SLCO1B1: variants seen among roughly 807,000 people sequenced by gnomAD.
The protein encoded by SLCO1B1 is OATP-2.
In SLCO1B1, 81 loss-of-function variants were observed where a neutral mutation model predicts 70.1. That is an observed-to-expected ratio of 1.16 (90% CI 0.97 to 1.39). The LOEUF is 1.39. SLCO1B1 is among the 40% of genes most tolerant of loss of function. SLCO1B1 has a pLI of 0.00. For missense variants in SLCO1B1, 895 were observed against 799.6 expected, an observed-to-expected ratio of 1.12 and a Z score of -1.44; for synonymous variants, 283 against 271.5, an observed-to-expected ratio of 1.04 and a Z score of -0.42.
chr12:21,178,103 C>A (rs1167100470), intron 5 of SLCO1B1, among the ~76,000 whole-genome samples: 1 of 151,988 alleles, frequency 6.6e-6, no homozygotes, highest in African/African-American at 2.4e-5. Flanking sequence ...TCAAATATCA[C>A]CTTGATTGTA....
chr12:21,167,841 G>A (rs1940707030), intron 2 of SLCO1B1, among the ~76,000 whole-genome samples: 1 of 143,794 alleles, frequency 7.0e-6, no homozygotes, highest in Non-Finnish European at 1.5e-5. Flanking sequence ...TTTTAAGATG[G>A]AGTCTCGCAC....
chr12:21,214,189 G>A (rs1941325629), intron 11 of SLCO1B1, among the ~76,000 whole-genome samples: 1 of 152,134 alleles, frequency 6.6e-6, no homozygotes, highest in South Asian at 2.1e-4. Flanking sequence ...CCATCTTTGT[G>A]GTTTTATGTA....
intron 7 of SLCO1B1, among the ~76,000 whole-genome samples, chr12:21,196,567 G>A (rs1941094211): frequency 6.6e-6 from 1 of 152,062 alleles, no homozygotes; most frequent in Admixed American, 6.6e-5. Flanking sequence ...ACCCTTTCTT[G>A]ATTTTATTAG....
chr12:21,191,436 T>C (rs1941028426), intron 7 of SLCO1B1, among the ~76,000 whole-genome samples: 1 of 152,238 alleles, frequency 6.6e-6, no homozygotes, highest in Non-Finnish European at 1.5e-5. Flanking sequence ...ACTTGGTTAA[T>C]TCATAGAAAT....
intron 2 of SLCO1B1, among the ~76,000 whole-genome samples, chr12:21,154,509 T>G (rs1204222866): frequency 6.6e-5 from 10 of 152,150 alleles, no homozygotes; most frequent in African/African-American, 9.7e-5. Flanking sequence ...TTTTGCTATA[T>G]TTTCTTACAG....
intron 2 of SLCO1B1, 95 bp downstream of exon 2, chr12:21,141,753 A>G: frequency 1.4e-6 from 1 of 720,468 alleles, no homozygotes; most frequent in South Asian, 1.7e-5. Context: ...TATGTTTCAA[A>G]TTATAATTTT....
chr12:21,216,278 GA>G (rs1486214490), intron 11 of SLCO1B1, among the ~76,000 whole-genome samples: 3 of 151,448 alleles, frequency 2.0e-5, no homozygotes, highest in East Asian at 1.9e-4. Flanking sequence ...TATTCCTAGT[GA>G]AAAAAAATAG....
At chr12:21,160,255 C>G (rs773833818) in intron 2 of SLCO1B1, among the ~76,000 whole-genome samples, 13 of 151,886 alleles carry the variant, frequency 8.6e-5, no homozygotes, top group Non-Finnish European at 1.5e-4. Flanking sequence ...ACCAAAACAG[C>G]ATGGTACTAG....
intron 11 of SLCO1B1, among the ~76,000 whole-genome samples, chr12:21,209,470 TG>T (rs1204900608): frequency 6.6e-6 from 1 of 152,304 alleles, no homozygotes; most frequent in Non-Finnish European, 1.5e-5. Flanking sequence ...GTTGGACATT[TG>T]GGTGGGTTCC....
At chr12:21,157,835 C>T (rs1287868707) in intron 2 of SLCO1B1, among the ~76,000 whole-genome samples, 5 of 151,974 alleles carry the variant, frequency 3.3e-5, no homozygotes, top group African/African-American at 4.8e-5. Context: ...CTCCTGACCT[C>T]GTGATCTGCC....
chr12:21,206,620 C>A (rs1941218058), intron 11 of SLCO1B1, among the ~76,000 whole-genome samples: 1 of 151,804 alleles, frequency 6.6e-6, no homozygotes, highest in African/African-American at 2.4e-5. Context: ...ATGTAGTATC[C>A]TGCTCACCTA....
At chr12:21,209,418 A>G (rs1336631175) in intron 11 of SLCO1B1, among the ~76,000 whole-genome samples, 1 of 152,104 alleles carries the variant, frequency 6.6e-6, no homozygotes, top group Non-Finnish European at 1.5e-5. Context: ...ATAGTATTCC[A>G]TGGTGTATAT....
At chr12:21,137,506 T>C (rs1380478483) in intron 1 of SLCO1B1, among the ~76,000 whole-genome samples, 1 of 152,150 alleles carries the variant, frequency 6.6e-6, no homozygotes, top group African/African-American at 2.4e-5. Context: ...AGCCGCTTTG[T>C]TTACCTAATC....
chr12:21,163,445 A>C (rs1940646540), intron 2 of SLCO1B1, among the ~76,000 whole-genome samples: 1 of 152,090 alleles, frequency 6.6e-6, no homozygotes, highest in Non-Finnish European at 1.5e-5. Flanking sequence ...AAAGGGTGTT[A>C]TTTGTTTGTT....
chr12:21,143,561 G>T (rs1000212008), intron 2 of SLCO1B1, among the ~76,000 whole-genome samples: 49 of 151,904 alleles, frequency 3.2e-4, no homozygotes, highest in African/African-American at 1.1e-3. Context: ...CTATCAACTG[G>T]ATGGTATTAT....
chr12:21,164,599 T>C (rs1940662494), intron 2 of SLCO1B1, among the ~76,000 whole-genome samples: 1 of 152,200 alleles, frequency 6.6e-6, no homozygotes, highest in South Asian at 2.1e-4. Flanking sequence ...AAAGTGCATA[T>C]TGACTCCTCA....
intron 2 of SLCO1B1, among the ~76,000 whole-genome samples, chr12:21,171,126 T>C (rs936188086): frequency 4.6e-5 from 7 of 152,144 alleles, no homozygotes; most frequent in East Asian, 1.9e-4. Context: ...TTTAAAGAGA[T>C]TGATCAAGGA....
intron 2 of SLCO1B1, among the ~76,000 whole-genome samples, chr12:21,162,204 G>T (rs1025378415): frequency 6.6e-6 from 1 of 151,556 alleles, no homozygotes; most frequent in Non-Finnish European, 1.5e-5. Context: ...ACAAGAATAA[G>T]CACATCCATT....
chr12:21,150,562 G>A (rs1940457610), intron 2 of SLCO1B1, among the ~76,000 whole-genome samples: 2 of 152,138 alleles, frequency 1.3e-5, no homozygotes, highest in South Asian at 2.1e-4. Context: ...AGGGTCTGGA[G>A]TGGACCTCCA....
Sources: gnomAD v4.1 joint callset for allele counts (sites outside exome capture counted in the v4.1 genomes callset) on GRCh38, gnomAD v4.1.1 for gene constraint, MANE v1.5 for transcripts, NCBI Gene and HGNC (gene_info 2026-07-23, HGNC 2026-07-21) for gene names.